The following DYDC2 variants were observed in gnomAD, a reference collection of about 807,000 sequenced individuals.
DYDC2 encodes DPY30 domain containing 2.
DYDC2 carries 19 observed loss-of-function variants against 18.7 expected under a neutral mutation model. That is an observed-to-expected ratio of 1.02 (90% CI 0.71 to 1.49). The LOEUF is 1.49. DYDC2 is among the 40% of genes most tolerant of loss of function. The probability of loss-of-function intolerance (pLI) is 0.00; values close to 1 mark genes in which losing one functional copy is unlikely to be tolerated. For missense variants in DYDC2, 179 were observed against 205.1 expected (o/e 0.87, Z 0.78); for synonymous variants, 63 against 67.6 (o/e 0.93, Z 0.34).
At chr10:80,350,006 C>A (rs1191577217) in intron 1 of DYDC2, among the ~76,000 whole-genome samples, 2 of 152,184 alleles carry the variant, frequency 1.3e-5, no homozygotes, top group Non-Finnish European at 2.9e-5. Context: ...GAGTTCCCAA[C>A]CTCCAGCTTA....
At chr10:80,354,051 G>C (rs905195476), upstream of DYDC2, among the ~76,000 whole-genome samples, 3 of 151,568 alleles carry the variant, frequency 2.0e-5, no homozygotes, top group Non-Finnish European at 4.4e-5. Context: ...GGGAGGCGGA[G>C]CTTGCAGTGA....
chr10:80,345,899 C>A (rs1192862291), intron 1 of DYDC2, among the ~76,000 whole-genome samples: 3 of 152,058 alleles, frequency 2.0e-5, no homozygotes, highest in Non-Finnish European at 4.4e-5. Flanking sequence ...GCTCTGTCAC[C>A]CAGGTGGGAG....
chr10:80,358,442 T>A (rs960206147), intron 2 of DYDC2, among the ~76,000 whole-genome samples: 3 of 152,214 alleles, frequency 2.0e-5, no homozygotes, highest in African/African-American at 4.8e-5. Context: ...TATGGCTCTA[T>A]GCTGGCTCTA....
chr10:80,350,048 G>C (rs2132820339), intron 1 of DYDC2, among the ~76,000 whole-genome samples: 1 of 152,156 alleles, frequency 6.6e-6, no homozygotes, highest in Non-Finnish European at 1.5e-5. Context: ...AGGCCTCTCT[G>C]TTTTTCTTCA....
At position 80,346,937 on chromosome 10, in the gene DYDC2, A is replaced by T. The variant is rs553817202; in HGVS notation, c.-310+2122A>T. On this transcript the variant is annotated intron_variant, in intron 1 of 4. Coordinates refer to the DYDC2 transcript ENST00000372197. ...TAAAAATACAAAAAAAAAATTAGCC[A>T]GGTGTGGTGGCGGGTGCCTGTAATC... is the stretch of plus-strand genomic sequence containing the variant. Among the ~76,000 whole-genome samples, 471 of 151,788 alleles carry T rather than the reference A, an allele frequency of 3.1e-3. 1 individual carries two copies. The highest frequency in any genetic ancestry group is 5.1e-3 in the Non-Finnish European group (347 of 67,918).
In DYDC2 at chr10:80,362,935, T is replaced by C; in HGVS notation, c.148-16T>C. 6.2e-7 allele frequency: 1 copy of C among 1,609,844 alleles called. No homozygotes were observed. ...CCTGGTTGCTGACCTGATTTGACTC[T>C]GTCACCTCACCCCAGAATAGGGAAA... On this transcript the variant is annotated splice_polypyrimidine_tract_variant and intron_variant, in intron 3 of 4. Transcript: ENST00000256039.
At position 80,367,014 on chromosome 10, in the gene DYDC2, G is replaced by A. The variant is rs1021273680; in HGVS notation, c.*63G>A. 4 of 1,541,990 alleles carry A rather than the reference G, an allele frequency of 2.6e-6. No homozygotes were observed. In the African/African-American group the frequency reaches 5.5e-5, roughly 21 times the overall value. On this transcript the variant is annotated 3_prime_UTR_variant, in exon 5 of 5. Coordinates refer to ENST00000256039, the MANE Select transcript of DYDC2 (RefSeq NM_032372.6). ...AAGCTAGAAGCCAAGAAAATGGCCA[G>A]CTAGAACCAAGATTTAAGGGGCTGT...
At chr10:80,348,616 G>A (rs960090121) in intron 1 of DYDC2, among the ~76,000 whole-genome samples, 2 of 152,214 alleles carry the variant, frequency 1.3e-5, no homozygotes, top group African/African-American at 4.8e-5. Flanking sequence ...CTCAACGTAA[G>A]TGCAAAGGAA....
chr10:80,352,566 G>A (rs1242398056), upstream of DYDC2: 3 of 1,612,252 alleles, frequency 1.9e-6, no homozygotes, highest in Non-Finnish European at 2.5e-6. Context: ...GAGTTAAACA[G>A]GCCCCAAGGT....
intron 1 of DYDC2, among the ~76,000 whole-genome samples, chr10:80,351,626 T>A (rs1838596700): frequency 6.6e-6 from 1 of 152,156 alleles, no homozygotes; most frequent in Admixed American, 6.5e-5. Flanking sequence ...GACAGCACAC[T>A]CTGTATTTTC....
In DYDC2 at chr10:80,362,552, C is replaced by T. The variant is rs1322310603; in HGVS notation, c.109C>T (p.Leu37Phe). ...CCCAATAGAATACCTGGCTCACTGG[C>T]TTTATCATTACAGGAAAACAGCAAA... ...SDPIEYLAHW[L>F]YHYRKTAKAK... The change falls in exon 3 of 5, where the codon CTT becomes TTT. Residue 37 changes from leucine (L) to phenylalanine (F), a missense_variant. Transcript: ENST00000256039. The T allele has an allele frequency of 1.9e-6, 3 of 1,612,904 alleles. No homozygotes were observed. The highest frequency in any genetic ancestry group is 2.5e-6 in the Non-Finnish European group (3 of 1,179,254).
chr10:80,356,243 T>C (rs1447238439), upstream of DYDC2: 1 of 985,064 alleles, frequency 1.0e-6, no homozygotes, highest in Non-Finnish European at 1.2e-6. Flanking sequence ...AATGTTATTT[T>C]TCACATACAC....
At chr10:80,360,314 C>A (rs955674962) in intron 2 of DYDC2, among the ~76,000 whole-genome samples, 6 of 152,116 alleles carry the variant, frequency 3.9e-5, no homozygotes, top group Non-Finnish European at 5.9e-5. Flanking sequence ...GGGGAGAATC[C>A]ATTTTCTTGT....
Position 80,366,886 on chromosome 10 carries a change from T to C in DYDC2, c.469T>C (p.Tyr157His). Reference protein sequence around the residue: ...QNFKMPQEINYKEAFQHEVAH... With the variant: ...QNFKMPQEINHKEAFQHEVAH... ...CTTCAAAATGCCACAAGAAATAAAT[T>C]ACAAGGAGGCTTTTCAGCATGAAGT... The change falls in exon 5 of 5, where the codon TAC becomes CAC. Residue 157 changes from tyrosine (Y) to histidine (H), a missense_variant. Tyr to His is a moderately conservative substitution (Grantham distance 83, BLOSUM62 2). Transcript: ENST00000256039. 4 of 1,614,068 alleles carry C rather than the reference T, an allele frequency of 2.5e-6. No homozygotes were observed. In the African/African-American group the frequency reaches 5.3e-5, roughly 22 times the overall value.
At chr10:80,365,272 T>C (rs1351566610) in intron 4 of DYDC2, among the ~76,000 whole-genome samples, 4 of 152,354 alleles carry the variant, frequency 2.6e-5, no homozygotes, top group Middle Eastern at 3.4e-3. Flanking sequence ...CAGAATGCTA[T>C]GTATGGTAGG....
Position 80,367,194 on chromosome 10 carries a change from C to A in DYDC2, c.*243C>A. The stretch of plus-strand genomic sequence containing the variant: ...TGACTTTTTCCTCTTGTTTTATCAA[C>A]GTTTTGGAGACTACACAATGAAAAC... On this transcript the variant is annotated 3_prime_UTR_variant, in exon 5 of 5. Transcript: ENST00000256039. 2.3e-6 allele frequency: 1 copy of A among 439,002 alleles called. No individual in the cohort carries two copies. Among genetic ancestry groups the A allele is most frequent in the Non-Finnish European group, 4.0e-6 (1 of 252,858 alleles). The allele number at this position is 439,002 out of a possible 1,614,324, so 27.2% of individuals were successfully genotyped here. A position where few individuals can be genotyped will look rare whatever the true frequency, so the allele number is the denominator to read the frequency against.
chr10:80,355,771 T>C (rs1163384869), upstream of DYDC2, among the ~76,000 whole-genome samples: 4 of 152,190 alleles, frequency 2.6e-5, no homozygotes, highest in Admixed American at 6.5e-5. Flanking sequence ...TGTGTGTATA[T>C]GTAAACATAG....
intron 2 of DYDC2, among the ~76,000 whole-genome samples, chr10:80,359,609 C>T (rs116178856): frequency 1.1e-3 from 169 of 152,306 alleles, no homozygotes; most frequent in African/African-American, 3.9e-3. Flanking sequence ...GAGGCTCGGG[C>T]ATGGCGGGCT....
chr10:80,364,738 G>C (rs942132937), intron 4 of DYDC2, among the ~76,000 whole-genome samples: 1 of 152,322 alleles, frequency 6.6e-6, no homozygotes, highest in African/African-American at 2.4e-5. Flanking sequence ...TTTTAGAAAA[G>C]AGTTCATGTG....
Sources: gnomAD v4.1 joint callset for allele counts (sites outside exome capture counted in the v4.1 genomes callset) on GRCh38, gnomAD v4.1.1 for gene constraint, MANE v1.5 for transcripts, NCBI Gene and HGNC (gene_info 2026-07-23, HGNC 2026-07-21) for gene names.